Variants in NTRK3 observed in about 807,000 individuals in gnomAD.
The protein encoded by NTRK3 is neurotrophic receptor tyrosine kinase 3.
A neutral mutation model predicts 91.7 loss-of-function variants in NTRK3; 24 were observed. That is an observed-to-expected ratio of 0.26 (90% CI 0.19 to 0.37). The LOEUF is 0.37. Ranked by LOEUF, NTRK3 falls within the 10% of genes least tolerant of loss-of-function variation. The pLI is 1.00. For missense variants in NTRK3, 880 were observed against 1,068.9 expected (o/e 0.82, Z 2.46); for synonymous variants, 483 against 404.0 (o/e 1.20, Z -2.34).
intron 17 of NTRK3, among the ~76,000 whole-genome samples, chr15:87,882,788 T>C (rs1056603767): frequency 6.6e-6 from 1 of 152,112 alleles, no homozygotes; most frequent in African/African-American, 2.4e-5. Context: ...CATATAGCTT[T>C]CAAACCGTTT....
chr15:87,985,993 C>T (rs1387233997), intron 14 of NTRK3, among the ~76,000 whole-genome samples: 1 of 152,208 alleles, frequency 6.6e-6, no homozygotes, highest in Non-Finnish European at 1.5e-5. Flanking sequence ...AATCCTTCCA[C>T]TCCATAACAT....
intron 10 of NTRK3, chr15:88,131,919 G>A (rs756050282): frequency 3.5e-5 from 7 of 197,190 alleles, no homozygotes; most frequent in Non-Finnish European, 6.3e-5. Flanking sequence ...GCTGGGAGGA[G>A]CGCTTGTCCA....
chr15:87,984,400 G>T (rs2074556513), intron 14 of NTRK3, among the ~76,000 whole-genome samples: 1 of 152,202 alleles, frequency 6.6e-6, no homozygotes, highest in African/African-American at 2.4e-5. Context: ...CTGGGCTATG[G>T]TTATGATTGA....
At chr15:88,143,873 C>G (rs1471278130) in intron 6 of NTRK3, 3 of 152,134 alleles carry the variant, frequency 2.0e-5, no homozygotes, top group African/African-American at 7.2e-5. Flanking sequence ...TATCACTTTC[C>G]TTTAAAAGAA....
At chr15:88,026,806 A>G (rs929997182) in intron 14 of NTRK3, among the ~76,000 whole-genome samples, 1 of 152,118 alleles carries the variant, frequency 6.6e-6, no homozygotes, top group Non-Finnish European at 1.5e-5. Flanking sequence ...CTATTCTAAA[A>G]CTGTTCTTTA....
chr15:87,946,731 G>A (rs976005378), intron 14 of NTRK3, among the ~76,000 whole-genome samples: 12 of 151,932 alleles, frequency 7.9e-5, no homozygotes, highest in African/African-American at 2.7e-4. Context: ...ATTCCATCTC[G>A]CTCTGCACTG....
chr15:88,055,913 G>C (rs1004018181), intron 13 of NTRK3, among the ~76,000 whole-genome samples: 17 of 152,268 alleles, frequency 1.1e-4, no homozygotes, highest in African/African-American at 3.6e-4. Flanking sequence ...CAGACTGAAA[G>C]GGACTTCTAT....
intron 13 of NTRK3, among the ~76,000 whole-genome samples, chr15:88,109,548 G>C (rs967868188): frequency 3.9e-5 from 6 of 152,196 alleles, no homozygotes; most frequent in African/African-American, 1.4e-4. Flanking sequence ...GCCCAATAAA[G>C]AGAGCTTTTC....
At chr15:88,039,159 A>G (rs2079361675) in intron 13 of NTRK3, among the ~76,000 whole-genome samples, 1 of 149,938 alleles carries the variant, frequency 6.7e-6, no homozygotes, top group African/African-American at 2.4e-5. Context: ...ACACACACAC[A>G]CACACGCACA....
intron 5 of NTRK3, among the ~76,000 whole-genome samples, chr15:88,176,300 C>A (rs1305292871): frequency 6.6e-6 from 1 of 152,028 alleles, no homozygotes; most frequent in East Asian, 1.9e-4. Context: ...CCATGCCCAG[C>A]TAATTTTTGT....
intron 13 of NTRK3, among the ~76,000 whole-genome samples, chr15:88,109,342 A>AC (rs1567426972): frequency 6.6e-6 from 1 of 152,254 alleles, no homozygotes; most frequent in South Asian, 2.1e-4. Flanking sequence ...CAGCGTCCTC[A>AC]CCCCAACCTC....
chr15:87,889,396 C>CTTTTTTTTT (rs568030482), intron 17 of NTRK3, among the ~76,000 whole-genome samples: 5 of 95,630 alleles, frequency 5.2e-5, no homozygotes, highest in Admixed American at 1.3e-4. Context: ...TTATTAGTTC[C>CTTTTTTTTT]TTTTTTTTTT....
chr15:87,989,078 T>C (rs2075081335), intron 14 of NTRK3, among the ~76,000 whole-genome samples: 1 of 152,138 alleles, frequency 6.6e-6, no homozygotes, highest in Admixed American at 6.6e-5. Flanking sequence ...GTTCAACCAT[T>C]GTGGAAGACA....
At chr15:88,075,967 A>G (rs142692951) in intron 13 of NTRK3, among the ~76,000 whole-genome samples, 482 of 152,328 alleles carry the variant, frequency 3.2e-3, no homozygotes, top group Non-Finnish European at 4.7e-3. Flanking sequence ...GCACACACTC[A>G]GCTTTCAGCT....
intron 17 of NTRK3, among the ~76,000 whole-genome samples, chr15:87,922,241 G>A (rs1028492789): frequency 2.0e-5 from 3 of 152,194 alleles, no homozygotes; most frequent in African/African-American, 7.2e-5. Context: ...CTCCCGACTT[G>A]AAGGCAAGAA....
chr15:87,998,519 A>C lies in NTRK3; in HGVS notation c.1585+34338T>G, dbSNP rs150525076. On this transcript the variant is annotated intron_variant, in intron 14 of 18. Transcript: ENST00000394480. ...CTGGAAGTCCTGGGAGCTCTCGTGC[A>C]AACAAGTCACATTGGACTTTAAGCA... Among the ~76,000 whole-genome samples the C allele has an allele frequency of 2.1e-3, 314 of 152,366 alleles. 2 individuals are homozygous for C. Among genetic ancestry groups the C allele is most frequent in the African/African-American group, 7.3e-3 (302 of 41,592 alleles).
At chr15:88,060,427 A>T (rs531153397) in intron 13 of NTRK3, among the ~76,000 whole-genome samples, 1 of 150,610 alleles carries the variant, frequency 6.6e-6, no homozygotes, top group Non-Finnish European at 1.5e-5. Context: ...AGACCATCTC[A>T]GGGAAGCCTG....
chr15:88,039,929 G>A (rs1217457086), intron 13 of NTRK3, among the ~76,000 whole-genome samples: 6 of 152,202 alleles, frequency 3.9e-5, no homozygotes, highest in Admixed American at 3.9e-4. Flanking sequence ...ACCAAGGAAG[G>A]AGGAAGTAAA....
intron 13 of NTRK3, among the ~76,000 whole-genome samples, chr15:88,072,004 CTTTTT>C (rs374364707): frequency 1.5e-5 from 2 of 132,646 alleles, no homozygotes; most frequent in African/African-American, 2.8e-5. Context: ...AATCAAACAT[CTTTTT>C]TTTTTTTTTT....
Sources: gnomAD v4.1 joint callset for allele counts (sites outside exome capture counted in the v4.1 genomes callset) on GRCh38, gnomAD v4.1.1 for gene constraint, MANE v1.5 for transcripts, NCBI Gene and HGNC (gene_info 2026-07-23, HGNC 2026-07-21) for gene names.